The following CNTN5 variants were observed in gnomAD, a reference collection of about 807,000 sequenced individuals.
CNTN5 encodes the protein contactin 5, also known as contactin-5.
Under a neutral mutation model 129.1 loss-of-function variants are expected in CNTN5, and 77 were observed. The ratio of observed to expected loss-of-function variants is 0.60; its 90% confidence interval spans 0.50 to 0.72. The LOEUF (loss-of-function observed/expected upper bound fraction) is 0.72, where lower values mean the gene tolerates loss of function less well. Among genes scored for constraint, CNTN5 ranks in the 30% least tolerant of loss-of-function variants. The pLI is 0.00. For synonymous variants in CNTN5, 509 were observed against 465.6 expected, an observed-to-expected ratio of 1.09 and a Z score of -1.20; for missense variants, 1,478 against 1,328.8, an observed-to-expected ratio of 1.11 and a Z score of -1.75.
intron 3 of CNTN5, among the ~76,000 whole-genome samples, chr11:99,576,641 G>A: frequency 6.6e-6 from 1 of 152,254 alleles, no homozygotes; most frequent in East Asian, 1.9e-4. Context: ...TAAACTGGGT[G>A]GCTTATAAAC....
intron 13 of CNTN5, among the ~76,000 whole-genome samples, chr11:100,151,687 T>A (rs1344176614): frequency 2.0e-5 from 3 of 152,176 alleles, no homozygotes; most frequent in Admixed American, 2.0e-4. Flanking sequence ...TTTCCCAGAT[T>A]TTATTAAATT....
At chr11:99,741,897 A>T (rs754657517) in intron 3 of CNTN5, among the ~76,000 whole-genome samples, 1 of 152,136 alleles carries the variant, frequency 6.6e-6, no homozygotes, top group Non-Finnish European at 1.5e-5. Context: ...ATGCCCAGTA[A>T]GGTTGTAAGT....
At chr11:100,065,032 A>G (rs1393652720) in intron 10 of CNTN5, among the ~76,000 whole-genome samples, 2 of 152,150 alleles carry the variant, frequency 1.3e-5, no homozygotes, top group African/African-American at 4.8e-5. Context: ...AAAGACGGTC[A>G]CTATGACCTC....
At chr11:99,022,208 A>T (rs532823178) in intron 1 of CNTN5, among the ~76,000 whole-genome samples, 1 of 152,336 alleles carries the variant, frequency 6.6e-6, no homozygotes, top group East Asian at 1.9e-4. Context: ...TTGATTCTCA[A>T]TTACGACTGT....
chr11:100,166,835 G>A lies in CNTN5; in HGVS notation c.1581-24291G>A, dbSNP rs191984558. On this transcript the variant is annotated intron_variant, in intron 13 of 24. Transcript: ENST00000524871. Reference sequence around the variant, plus strand: ...AAATTAAAAAGGCCTTTCTCTATGAGTTTCTTGGATCAGTTATCTTAGTTT... The same window carrying A: ...AAATTAAAAAGGCCTTTCTCTATGAATTTCTTGGATCAGTTATCTTAGTTT... 1.1e-4 allele frequency among the ~76,000 whole-genome samples: 17 copies of A among 151,864 alleles called. No homozygotes were observed. The East Asian group carries it at 3.1e-3, about 28-fold the overall frequency.
intron 1 of CNTN5, among the ~76,000 whole-genome samples, chr11:99,193,108 ATTT>A (rs145716053): frequency 6.6e-6 from 1 of 152,278 alleles, no homozygotes; most frequent in East Asian, 1.9e-4. Flanking sequence ...TGAAATGATC[ATTT>A]TTCAAAATGT....
chr11:99,391,174 CCTGTA>C (rs1487651445), intron 2 of CNTN5, among the ~76,000 whole-genome samples: 1 of 152,034 alleles, frequency 6.6e-6, no homozygotes, highest in East Asian at 1.9e-4. Flanking sequence ...TTATCTAAAA[CCTGTA>C]AAAAACAAGT....
chr11:99,727,322 A>AAAAAAAAAAAAAAAAAAAAAAAAAG (rs1565466265), intron 3 of CNTN5, among the ~76,000 whole-genome samples: 9 of 126,824 alleles, frequency 7.1e-5, no homozygotes, highest in East Asian at 5.8e-4. Flanking sequence ...CAAAAAAAAA[A>AAAAAAAAAAAAAAAAAAAAAAAAAG]AAAAAAAAAA....
At chr11:100,259,058 T>G (rs545469705) in intron 17 of CNTN5, among the ~76,000 whole-genome samples, 110 of 152,160 alleles carry the variant, frequency 7.2e-4, no homozygotes, top group African/African-American at 1.9e-3. Context: ...CCCATCTCAC[T>G]TGCAAAGTCA....
intron 8 of CNTN5, among the ~76,000 whole-genome samples, chr11:99,960,394 G>T (rs1950911349): frequency 6.6e-6 from 1 of 151,480 alleles, no homozygotes; most frequent in South Asian, 2.1e-4. Context: ...GCAATTCTGT[G>T]CAGCAAATAC....
At chr11:100,159,165 C>T (rs758370335) in intron 13 of CNTN5, among the ~76,000 whole-genome samples, 3 of 151,452 alleles carry the variant, frequency 2.0e-5, no homozygotes, top group Admixed American at 6.6e-5. Flanking sequence ...GAATAATCAT[C>T]ACCAAAGTCA....
chr11:99,871,857 A>G (rs1205761887), intron 6 of CNTN5, among the ~76,000 whole-genome samples: 4 of 151,954 alleles, frequency 2.6e-5, no homozygotes, highest in Admixed American at 2.6e-4. Flanking sequence ...TTTACACAGT[A>G]ACATAATAGA....
chr11:99,067,014 G>A (rs910190018), intron 1 of CNTN5, among the ~76,000 whole-genome samples: 1 of 152,058 alleles, frequency 6.6e-6, no homozygotes, highest in Non-Finnish European at 1.5e-5. Context: ...ATTTCCATGA[G>A]CTAGCTCCCT....
chr11:99,830,690 T>C (rs996357708), intron 4 of CNTN5, among the ~76,000 whole-genome samples: 1 of 152,196 alleles, frequency 6.6e-6, no homozygotes, highest in South Asian at 2.1e-4. Context: ...ATAATAACTT[T>C]ACAGTCTTAT....
At chr11:100,033,628 C>T (rs1389027621) in intron 9 of CNTN5, among the ~76,000 whole-genome samples, 1 of 152,178 alleles carries the variant, frequency 6.6e-6, no homozygotes, top group African/African-American at 2.4e-5. Context: ...ATTACATTCA[C>T]TCTTTAAATC....
intron 2 of CNTN5, among the ~76,000 whole-genome samples, chr11:99,542,158 T>C (rs1195460729): frequency 6.6e-6 from 1 of 152,078 alleles, no homozygotes; most frequent in African/African-American, 2.4e-5. Context: ...ATCTATCACC[T>C]CAAACATTTA....
At position 99,023,127 on chromosome 11, in the gene CNTN5, C is replaced by T. The variant is rs550277893; in HGVS notation, c.-210+1857C>T. On this transcript the variant is annotated intron_variant, in intron 1 of 24. Coordinates refer to ENST00000524871, the MANE Select transcript of CNTN5 (RefSeq NM_014361.4). ...ATACCTGAATGTTTCTCAAGGTGAG[C>T]AGTTAGTACTTCAAGTATTAGGTGG... Among the ~76,000 whole-genome samples, 4 of 152,260 alleles carry T rather than the reference C, an allele frequency of 2.6e-5. No homozygotes were observed. The East Asian group carries it at 7.7e-4, about 29-fold the overall frequency.
intron 1 of CNTN5, among the ~76,000 whole-genome samples, chr11:99,189,520 C>T (rs1858525304): frequency 6.6e-6 from 1 of 151,530 alleles, no homozygotes; most frequent in Admixed American, 6.6e-5. Flanking sequence ...CAAAGGTTTC[C>T]ATTTCTCCAT....
chr11:99,935,685 G>T (rs1283812604), intron 7 of CNTN5, among the ~76,000 whole-genome samples: 1 of 152,046 alleles, frequency 6.6e-6, no homozygotes, highest in South Asian at 2.1e-4. Flanking sequence ...TCAGTATTAA[G>T]TTTGTTGATA....
Sources: allele counts gnomAD v4.1 joint callset (sites outside exome capture counted in the v4.1 genomes callset), GRCh38; gene constraint gnomAD v4.1.1; transcripts MANE v1.5; gene names NCBI Gene and HGNC (gene_info 2026-07-23, HGNC 2026-07-21).